TPH2: variants seen among roughly 807,000 people sequenced by gnomAD.
TPH2 encodes tryptophan 5-hydroxylase 2.
A neutral mutation model predicts 59.1 loss-of-function variants in TPH2; 27 were observed. The ratio of observed to expected loss-of-function variants is 0.46; its 90% CI spans 0.34 to 0.63. The LOEUF (loss-of-function observed/expected upper bound fraction) is 0.63, where lower values mean the gene tolerates loss of function less well. TPH2 is among the 30% of genes least tolerant of loss of function. TPH2 has a pLI of 0.01. For synonymous variants in TPH2, 220 were observed against 210.5 expected, an observed-to-expected ratio of 1.05 and a Z score of -0.39; for missense variants, 523 against 588.3, an observed-to-expected ratio of 0.89 and a Z score of 1.15.
intron 8 of TPH2, among the ~76,000 whole-genome samples, chr12:72,011,203 G>A (rs1048425329): frequency 1.8e-4 from 27 of 152,302 alleles, no homozygotes; most frequent in African/African-American, 6.0e-4. Context: ...CAATTGCTTT[G>A]TTATGGAGAT....
rs147729003 is a variant in TPH2 at position 72,018,855 on chromosome 12, A to G, written c.1069-3544A>G. On this transcript the variant is annotated intron_variant, in intron 8 of 10. Coordinates refer to ENST00000333850, the MANE Select transcript of TPH2 (RefSeq NM_173353.4). ...TATTAATTTTTTATCTAGAAACTTT[A>G]AAATGTGACAGATGTTGATGTCAAG... 3.3e-5 allele frequency among the ~76,000 whole-genome samples: 5 copies of G among 152,342 alleles called. No homozygotes were observed. The East Asian group carries it at 9.6e-4, about 29-fold the overall frequency.
Position 72,003,904 on chromosome 12 carries a change from A to C in TPH2, c.1068+9339A>C, listed in dbSNP as rs532962958. ...TCAGAGAGCCATCATATAATTGCAG[A>C]TGAGAAACAAAGCAACACAATCCTA... On this transcript the variant is annotated intron_variant, in intron 8 of 10. Coordinates refer to ENST00000333850, the MANE Select transcript of TPH2 (RefSeq NM_173353.4). Among the ~76,000 whole-genome samples, 7 of 152,366 alleles carry C rather than the reference A, an allele frequency of 4.6e-5. No individual in the cohort carries two copies. The East Asian group carries it at 1.3e-3, about 29-fold the overall frequency.
chr12:72,010,008 G>A (rs1393433909), intron 8 of TPH2, among the ~76,000 whole-genome samples: 1 of 152,150 alleles, frequency 6.6e-6, no homozygotes, highest in African/African-American at 2.4e-5. Context: ...TTTGAAATGG[G>A]GGATTTAGCA....
chr12:71,948,027 A>G (rs1281079858), intron 4 of TPH2, among the ~76,000 whole-genome samples: 1 of 152,012 alleles, frequency 6.6e-6, no homozygotes. Flanking sequence ...CTTTGGTTTT[A>G]CCATCTCAAG....
chr12:71,939,153 C>A, intron 1 of TPH2, 62 bp downstream of exon 1: 1 of 1,245,260 alleles, frequency 8.0e-7, no homozygotes, highest in Non-Finnish European at 1.2e-6. Flanking sequence ...ATCTTCTCCT[C>A]ACCATATGAA....
intron 8 of TPH2, among the ~76,000 whole-genome samples, chr12:71,995,008 G>A (rs768783640): frequency 4.6e-5 from 7 of 152,136 alleles, no homozygotes; most frequent in Non-Finnish European, 7.4e-5. Context: ...ATTAGTAATA[G>A]TAAAAGGTAT....
chr12:72,009,141 C>G (rs1873032951), intron 8 of TPH2, among the ~76,000 whole-genome samples: 1 of 152,154 alleles, frequency 6.6e-6, no homozygotes, highest in South Asian at 2.1e-4. Flanking sequence ...AGCTGAGTTG[C>G]TGTTGTTCCC....
At chr12:72,008,283 T>C (rs1037761413) in intron 8 of TPH2, among the ~76,000 whole-genome samples, 8 of 152,360 alleles carry the variant, frequency 5.3e-5, no homozygotes, top group Admixed American at 4.6e-4. Flanking sequence ...TCTAATGGGC[T>C]ATCTCTACCT....
intron 5 of TPH2, among the ~76,000 whole-genome samples, chr12:71,965,707 A>G (rs1023271615): frequency 2.6e-5 from 4 of 152,248 alleles, no homozygotes; most frequent in African/African-American, 7.2e-5. Flanking sequence ...GATGCTGGAT[A>G]TTAGACCTTT....
At chr12:71,941,301 T>TA (rs1225514548) in intron 1 of TPH2, among the ~76,000 whole-genome samples, 5 of 152,188 alleles carry the variant, frequency 3.3e-5, no homozygotes, top group Non-Finnish European at 4.4e-5. Context: ...TTGCAGGCGT[T>TA]ACGACAGTCA....
In TPH2 at chr12:71,978,048, G is replaced by A. The variant is rs147718983; in HGVS notation, c.806-904G>A. Reference sequence around the variant, plus strand: ...TGCCTACAGTATTCAGTATAGTAATGTGTTGTACAGATTTGTAGCCTAGGA... The same window carrying A: ...TGCCTACAGTATTCAGTATAGTAATATGTTGTACAGATTTGTAGCCTAGGA... On this transcript the variant is annotated intron_variant, in intron 6 of 10. Transcript: ENST00000333850. 2.0e-3 allele frequency among the ~76,000 whole-genome samples: 300 copies of A among 152,224 alleles called. 2 individuals are homozygous for A. The highest frequency in any genetic ancestry group is 6.3e-3 in the African/African-American group (260 of 41,540).
chr12:71,957,547 G>C (rs1028561641), intron 5 of TPH2, among the ~76,000 whole-genome samples: 4 of 151,922 alleles, frequency 2.6e-5, no homozygotes, highest in African/African-American at 7.3e-5. Context: ...ATGTTGCCCA[G>C]GCTAGTCTTG....
At chr12:71,988,034 T>A (rs1351954907) in intron 7 of TPH2, among the ~76,000 whole-genome samples, 1 of 152,198 alleles carries the variant, frequency 6.6e-6, no homozygotes, top group Non-Finnish European at 1.5e-5. Flanking sequence ...AAGTGTTCAG[T>A]AGACACCTGT....
chr12:71,965,713 C>T (rs969965741), intron 5 of TPH2, among the ~76,000 whole-genome samples: 1 of 152,180 alleles, frequency 6.6e-6, no homozygotes, highest in Non-Finnish European at 1.5e-5. Flanking sequence ...GGATATTAGA[C>T]CTTTGTCAGA....
chr12:71,952,628 T>C (rs1451445157), intron 5 of TPH2, among the ~76,000 whole-genome samples: 2 of 152,128 alleles, frequency 1.3e-5, no homozygotes, highest in African/African-American at 4.8e-5. Context: ...CTCCCCTGGA[T>C]GGTGCTGAGC....
At chr12:72,027,976 ATAT>A (rs1873614952) in intron 9 of TPH2, among the ~76,000 whole-genome samples, 1 of 152,168 alleles carries the variant, frequency 6.6e-6, no homozygotes, top group African/African-American at 2.4e-5. Flanking sequence ...CACTCATTTG[ATAT>A]TATACGTCTA....
chr12:71,945,764 T>C (rs779606773), intron 4 of TPH2, among the ~76,000 whole-genome samples: 5 of 152,146 alleles, frequency 3.3e-5, no homozygotes, highest in African/African-American at 4.8e-5. Flanking sequence ...TTTGACATAA[T>C]ATACCAACTC....
chr12:72,003,940 T>C (rs1157547084), intron 8 of TPH2, among the ~76,000 whole-genome samples: 1 of 152,214 alleles, frequency 6.6e-6, no homozygotes, highest in Non-Finnish European at 1.5e-5. Flanking sequence ...TTTTAGATAT[T>C]TGGAAACTCA....
rs369395869 is a variant in TPH2, at chr12:72,031,650, A to G, written c.1428A>G (p.Thr476=). The change falls in exon 11 of 11, where the codon ACA becomes ACG. Residue 476 remains threonine, a synonymous_variant. Coordinates refer to ENST00000333850, the MANE Select transcript of TPH2 (RefSeq NM_173353.4). ...VVQDLRSDLN[T]VCDALNKMNQ... The stretch of plus-strand genomic sequence containing the variant: ...AGGACCTTCGCAGCGACTTGAATAC[A>G]GTGTGTGATGCTTTAAACAAAATGA... 2.5e-6 allele frequency: 4 copies of G among 1,613,494 alleles called. No individual in the cohort carries two copies. The African/African-American group carries it at 5.3e-5, about 22-fold the overall frequency.
Sources: gnomAD v4.1 joint callset for allele counts (sites outside exome capture counted in the v4.1 genomes callset) on GRCh38, gnomAD v4.1.1 for gene constraint, MANE v1.5 for transcripts, NCBI Gene and HGNC (gene_info 2026-07-23, HGNC 2026-07-21) for gene names.